The following BLM variants were observed in gnomAD, a reference collection of about 807,000 sequenced individuals.
BLM encodes recQ-like DNA helicase BLM.
In BLM, 95 loss-of-function variants were observed where a neutral mutation model predicts 135.3. The ratio of observed to expected loss-of-function variants is 0.70; its 90% CI spans 0.59 to 0.83. BLM has a LOEUF of 0.83. Ranked by LOEUF, BLM falls within the 40% of genes least tolerant of loss-of-function variation. The pLI, the probability that BLM is intolerant of heterozygous loss-of-function variation, is 0.00. For synonymous variants in BLM, 520 were observed against 589.2 expected, an observed-to-expected ratio of 0.88 and a Z score of 1.70; for missense variants, 1,518 against 1,663.9, an observed-to-expected ratio of 0.91 and a Z score of 1.53.
intron 1 of BLM, among the ~76,000 whole-genome samples, chr15:90,736,555 G>A (rs923929135): frequency 3.3e-5 from 5 of 152,112 alleles, no homozygotes; most frequent in African/African-American, 1.2e-4. Context: ...CACCGTGCCC[G>A]GCCTTACGTT....
intron 1 of BLM, among the ~76,000 whole-genome samples, chr15:90,735,236 AATATATATATATATATAT>A (rs60589046): frequency 8.3e-5 from 9 of 108,200 alleles, no homozygotes; most frequent in African/African-American, 2.1e-4. Flanking sequence ...TGCCTAAGTT[AATATATATATATATATAT>A]ATATATATAT....
At chr15:90,788,471 G>GTTTTGTTT (rs1896809359) in intron 14 of BLM, among the ~76,000 whole-genome samples, 2 of 94,994 alleles carry the variant, frequency 2.1e-5, no homozygotes, top group African/African-American at 8.0e-5. Flanking sequence ...CCAGTGTTTT[G>GTTTTGTTT]TTTTTTTTTT....
intron 1 of BLM, among the ~76,000 whole-genome samples, chr15:90,729,552 C>T (rs1229451457): frequency 6.6e-6 from 1 of 152,144 alleles, no homozygotes; most frequent in Non-Finnish European, 1.5e-5. Flanking sequence ...ACTTTGAGTC[C>T]TCCTGAAGTT....
Position 90,804,274 on chromosome 15 carries a change from T to A in BLM, c.3666T>A (p.Leu1222=), listed in dbSNP as rs1301144106. 1.2e-6 allele frequency: 2 copies of A among 1,614,112 alleles called. No individual in the cohort carries two copies. The highest frequency in any genetic ancestry group is 1.7e-6 in the Non-Finnish European group (2 of 1,179,948). ...EEMVKKCLGE[L]TEVCKSLGKV... ...TGGTTAAAAAATGTCTTGGAGAACT[T>A]ACAGAAGTCTGCAAATCTCTGGGGA... Residue 1222 remains leucine (L), a synonymous_variant, in exon 19 of 22, where the codon CTT becomes CTA. Coordinates refer to ENST00000355112, the MANE Select transcript of BLM (RefSeq NM_000057.4).
At chr15:90,773,292 C>T (rs1201094419) in intron 12 of BLM, among the ~76,000 whole-genome samples, 1 of 150,926 alleles carries the variant, frequency 6.6e-6, no homozygotes, top group Non-Finnish European at 1.5e-5. Context: ...TGGTGGTGGG[C>T]GCCTGTAATA....
chr15:90,750,013 A>G lies in BLM; in HGVS notation c.745A>G (p.Asn249Asp), dbSNP rs1349320132. The change falls in exon 3 of 22, where the codon AAT (asparagine) becomes GAT (aspartate). Residue 249 changes from asparagine (N) to aspartate (D), a missense_variant. Asn to Asp is a conservative substitution (Grantham distance 23). Coordinates refer to ENST00000355112, the MANE Select transcript of BLM (RefSeq NM_000057.4). ...TGGCCCCATTGCTGAAGTGCATATA[A>G]ATGAAGATGCTCAGGAAAGTGACTC... The part of the protein sequence containing the change: ...DDGPIAEVHI[N>D]EDAQESDSLK... 1.2e-6 allele frequency: 2 copies of G among 1,614,198 alleles called. No homozygotes were observed. Among genetic ancestry groups the G allele is most frequent in the African/African-American group, 1.3e-5 (1 of 75,046 alleles).
At chr15:90,758,577 T>C (rs1425134283) in intron 5 of BLM, among the ~76,000 whole-genome samples, 1 of 152,168 alleles carries the variant, frequency 6.6e-6, no homozygotes, top group African/African-American at 2.4e-5. Context: ...GCTGGCAGGA[T>C]TCAGTTGTTC....
chr15:90,797,931 G>C (rs532514711), intron 16 of BLM, among the ~76,000 whole-genome samples: 1 of 152,322 alleles, frequency 6.6e-6, no homozygotes, highest in South Asian at 2.1e-4. Context: ...GTGTCTGTGT[G>C]TTATATATGT....
chr15:90,744,351 A>C (rs905216941), intron 1 of BLM, among the ~76,000 whole-genome samples: 2 of 152,138 alleles, frequency 1.3e-5, no homozygotes, highest in African/African-American at 4.8e-5. Flanking sequence ...GCCTCAACAA[A>C]AGATCAAGGC....
At position 90,763,171 on chromosome 15, in the gene BLM, G is replaced by C; in HGVS notation, c.2074+14G>C. 1 of 1,612,996 alleles carries C rather than the reference G, an allele frequency of 6.2e-7. No homozygotes were observed. The highest frequency in any genetic ancestry group is 8.5e-7 in the Non-Finnish European group (1 of 1,179,078). ...TGATGCCGACTGGTATGTATTTTTA[G>C]AAGTGAATTGGCAGGAATCCATTGG... On this transcript the variant is annotated intron_variant, in intron 8 of 21. Transcript: ENST00000355112.
intron 13 of BLM, among the ~76,000 whole-genome samples, chr15:90,784,133 C>T (rs1291743609): frequency 6.6e-6 from 1 of 151,822 alleles, no homozygotes; most frequent in African/African-American, 2.4e-5. Flanking sequence ...TTTCACAGTT[C>T]CCTGTATTTG....
intron 1 of BLM, among the ~76,000 whole-genome samples, chr15:90,734,603 A>G (rs546617099): frequency 2.0e-5 from 3 of 151,522 alleles, no homozygotes; most frequent in African/African-American, 7.3e-5. Context: ...ATACTTCTTA[A>G]TGATGGTATT....
At position 90,769,606 on chromosome 15, in the gene BLM, G is replaced by A. The variant is rs762930185; in HGVS notation, c.2555+20G>A. 2.3e-5 allele frequency: 37 copies of A among 1,611,464 alleles called. No homozygotes were observed. Among genetic ancestry groups the A allele is most frequent in the South Asian group, 2.2e-4 (20 of 90,886 alleles). Reference sequence around the variant, plus strand: ...TCAGGTGTAAGTTGTTGCACGTCACGTATTTGAGAACCCTGGGGCAGTGAC... The same window carrying A: ...TCAGGTGTAAGTTGTTGCACGTCACATATTTGAGAACCCTGGGGCAGTGAC... On this transcript the variant is annotated intron_variant, in intron 12 of 21. Transcript: ENST00000355112.
chr15:90,773,511 C>CTTTTTTTTTTTTTT (rs55678339), intron 12 of BLM, among the ~76,000 whole-genome samples: 2 of 100,846 alleles, frequency 2.0e-5, no homozygotes, highest in Non-Finnish European at 3.7e-5. Context: ...CTTCAATGGC[C>CTTTTTTTTTTTTTT]TTTTTTTTTT....
At chr15:90,789,578 G>A (rs1425191204) in intron 14 of BLM, among the ~76,000 whole-genome samples, 1 of 152,118 alleles carries the variant, frequency 6.6e-6, no homozygotes, top group Admixed American at 6.5e-5. Context: ...CATAAATGTA[G>A]ATGGATGACT....
At chr15:90,748,872 C>G (rs1596217265) in intron 2 of BLM, among the ~76,000 whole-genome samples, 1 of 152,046 alleles carries the variant, frequency 6.6e-6, no homozygotes, top group East Asian at 1.9e-4. Flanking sequence ...ATTCTCCTGC[C>G]TCAGCCTTCT....
At chr15:90,735,064 G>A (rs1047980886) in intron 1 of BLM, among the ~76,000 whole-genome samples, 5 of 151,474 alleles carry the variant, frequency 3.3e-5, no homozygotes, top group Non-Finnish European at 5.9e-5. Flanking sequence ...ATAATGAAGG[G>A]TAAAATCCCA....
chr15:90,778,948 C>G (rs1346672263), intron 12 of BLM, among the ~76,000 whole-genome samples: 1 of 146,014 alleles, frequency 6.8e-6, no homozygotes, highest in Non-Finnish European at 1.5e-5. Flanking sequence ...TGCAGTGGTG[C>G]GATCTTGGCT....
intron 5 of BLM, among the ~76,000 whole-genome samples, chr15:90,759,018 C>G (rs3784782): frequency 0.16 from 23,918 of 152,156 alleles, 1,960 homozygotes; most frequent in East Asian, 0.24. Context: ...GAGCTTTGCA[C>G]ATGAAGTTAG....
Sources: gnomAD v4.1 joint callset for allele counts (sites outside exome capture counted in the v4.1 genomes callset) on GRCh38, gnomAD v4.1.1 for gene constraint, MANE v1.5 for transcripts, NCBI Gene and HGNC (gene_info 2026-07-23, HGNC 2026-07-21) for gene names.